RNF180: variants seen among roughly 807,000 people sequenced by gnomAD.
RNF180 encodes the protein E3 ubiquitin-protein ligase RNF180.
A neutral mutation model predicts 59.2 loss-of-function variants in RNF180; 38 were observed. The observed-to-expected ratio is 0.64, with a 90% CI of 0.50 to 0.84. The LOEUF (loss-of-function observed/expected upper bound fraction) is 0.84, where lower values mean the gene tolerates loss of function less well. RNF180 is among the 40% of genes least tolerant of loss of function. The pLI is 0.00. For synonymous variants in RNF180, 262 were observed against 240.3 expected (o/e 1.09, Z -0.84); for missense variants, 705 against 700.9 (o/e 1.01, Z -0.07).
chr5:64,302,020 A>G (rs1488740892), intron 5 of RNF180, among the ~76,000 whole-genome samples: 2 of 151,626 alleles, frequency 1.3e-5, no homozygotes, highest in Non-Finnish European at 3.0e-5. Context: ...TTACACATGT[A>G]AAATACCCAC....
At chr5:64,290,888 T>C (rs552380852) in intron 5 of RNF180, among the ~76,000 whole-genome samples, 26 of 152,204 alleles carry the variant, frequency 1.7e-4, no homozygotes, top group Non-Finnish European at 2.9e-5. Flanking sequence ...AAAGTTAATA[T>C]TGTTATTTTG....
chr5:64,353,780 G>T (rs1347389407), intron 7 of RNF180, among the ~76,000 whole-genome samples: 1 of 151,718 alleles, frequency 6.6e-6, no homozygotes, highest in Non-Finnish European at 1.5e-5. Context: ...TATCTTCGCT[G>T]ACCGCATAGA....
At chr5:64,347,372 A>G (rs1391795587) in intron 7 of RNF180, among the ~76,000 whole-genome samples, 1 of 152,220 alleles carries the variant, frequency 6.6e-6, no homozygotes, top group African/African-American at 2.4e-5. Flanking sequence ...GTAGTCCCAG[A>G]AGAAGAAAAG....
chr5:64,282,521 T>C (rs1742064181), intron 5 of RNF180, among the ~76,000 whole-genome samples: 1 of 152,200 alleles, frequency 6.6e-6, no homozygotes, highest in African/African-American at 2.4e-5. Flanking sequence ...TGTATGGTTT[T>C]CACATCTCAG....
At chr5:64,273,233 C>G (rs1741519313) in intron 5 of RNF180, among the ~76,000 whole-genome samples, 1 of 151,936 alleles carries the variant, frequency 6.6e-6, no homozygotes, top group African/African-American at 2.4e-5. Context: ...AGGGAAGGAA[C>G]CCTCAGTTCT....
chr5:64,172,047 A>G (rs1192535447), intron 1 of RNF180, among the ~76,000 whole-genome samples: 1 of 152,154 alleles, frequency 6.6e-6, no homozygotes, highest in Non-Finnish European at 1.5e-5. Flanking sequence ...TATAACAGTA[A>G]TGTCTTTGGG....
chr5:64,255,779 T>A (rs1210437255), intron 5 of RNF180, among the ~76,000 whole-genome samples: 2 of 152,216 alleles, frequency 1.3e-5, no homozygotes, highest in Non-Finnish European at 2.9e-5. Flanking sequence ...CGCCACACTG[T>A]CTTCCACAAT....
intron 5 of RNF180, among the ~76,000 whole-genome samples, chr5:64,323,807 C>T (rs1744492296): frequency 6.6e-6 from 1 of 152,176 alleles, no homozygotes; most frequent in South Asian, 2.1e-4. Context: ...ACAGCAATTT[C>T]ACAAATGAGG....
chr5:64,235,361 G>T (rs1561208276), intron 5 of RNF180, among the ~76,000 whole-genome samples: 1 of 152,054 alleles, frequency 6.6e-6, no homozygotes, highest in Non-Finnish European at 1.5e-5. Flanking sequence ...ACAATCAAAA[G>T]AATTGCAAGA....
At chr5:64,287,309 G>T (rs1235742187) in intron 5 of RNF180, among the ~76,000 whole-genome samples, 1 of 152,024 alleles carries the variant, frequency 6.6e-6, no homozygotes, top group Admixed American at 6.6e-5. Context: ...GAAAAATCAG[G>T]TTACCATAGT....
chr5:64,252,991 C>A (rs1743682613), intron 5 of RNF180, among the ~76,000 whole-genome samples: 1 of 151,884 alleles, frequency 6.6e-6, no homozygotes, highest in African/African-American at 2.4e-5. Context: ...CGAGAGTGAT[C>A]AAGGATGGGA....
chr5:64,190,224 G>A (rs1751072983), intron 1 of RNF180, among the ~76,000 whole-genome samples: 1 of 152,168 alleles, frequency 6.6e-6, no homozygotes, highest in Non-Finnish European at 1.5e-5. Flanking sequence ...TTATTATTGT[G>A]CCTTAATTTG....
chr5:64,322,662 TA>T (rs1744430890), intron 5 of RNF180, among the ~76,000 whole-genome samples: 1 of 147,754 alleles, frequency 6.8e-6, no homozygotes, highest in Admixed American at 6.9e-5. Flanking sequence ...ATTCAGCCAA[TA>T]AAAGGAATGA....
Position 64,214,807 on chromosome 5 carries a change from C to G in RNF180, c.1191+290C>G, listed in dbSNP as rs117198307. ...CTAATTAACACTGGATTGTTTTTTA[C>G]TATATTTTAAATGTATGACATATTA... On this transcript the variant is annotated intron_variant, in intron 4 of 7. Transcript: ENST00000389100. Among the ~76,000 whole-genome samples, 6 of 152,060 alleles carry G rather than the reference C, an allele frequency of 3.9e-5. No individual in the cohort carries two copies. In the East Asian group the frequency reaches 9.7e-4, roughly 25 times the overall value.
At chr5:64,271,643 C>A in intron 5 of RNF180, among the ~76,000 whole-genome samples, 1 of 152,078 alleles carries the variant, frequency 6.6e-6, no homozygotes, top group East Asian at 1.9e-4. Flanking sequence ...GAATACACCC[C>A]ACAGTGGATA....
intron 1 of RNF180, among the ~76,000 whole-genome samples, chr5:64,195,831 G>A (rs1751427935): frequency 6.6e-6 from 1 of 152,182 alleles, no homozygotes; most frequent in African/African-American, 2.4e-5. Flanking sequence ...GTGGGAACCA[G>A]CCCTGGACAG....
chr5:64,179,575 C>T (rs1750457013), intron 1 of RNF180, among the ~76,000 whole-genome samples: 1 of 151,940 alleles, frequency 6.6e-6, no homozygotes, highest in Admixed American at 6.6e-5. Flanking sequence ...TGATTTTTTT[C>T]TAGATACATA....
chr5:64,235,724 A>C (rs778832680), intron 5 of RNF180, among the ~76,000 whole-genome samples: 4 of 152,094 alleles, frequency 2.6e-5, no homozygotes, highest in Non-Finnish European at 4.4e-5. Flanking sequence ...GTGATTGGAT[A>C]ATGGGAGTGG....
chr5:64,263,067 T>C (rs1055090184), intron 5 of RNF180, among the ~76,000 whole-genome samples: 3 of 152,200 alleles, frequency 2.0e-5, no homozygotes, highest in Non-Finnish European at 4.4e-5. Flanking sequence ...CTAAAACTTC[T>C]ATCTCTGTGA....
Sources: allele counts gnomAD v4.1 joint callset (sites outside exome capture counted in the v4.1 genomes callset), GRCh38; gene constraint gnomAD v4.1.1; transcripts MANE v1.5; gene names NCBI Gene and HGNC (gene_info 2026-07-23, HGNC 2026-07-21).